LYPD6B: variants seen among roughly 807,000 people sequenced by gnomAD.
The protein encoded by LYPD6B is ly6/PLAUR domain-containing protein 6B.
LYPD6B carries 17 observed loss-of-function variants against 22.8 expected under a neutral mutation model. The observed-to-expected ratio is 0.75, with a 90% CI of 0.51 to 1.12. LYPD6B has a LOEUF of 1.12. Among genes scored for constraint, LYPD6B ranks in the 50% most tolerant of loss-of-function variants. The pLI is 0.00. For missense variants in LYPD6B, 221 were observed against 258.3 expected, an observed-to-expected ratio of 0.86 and a Z score of 0.99; for synonymous variants, 106 against 91.6, an observed-to-expected ratio of 1.16 and a Z score of -0.90.
At chr2:149,049,540 C>T (rs1683456985) in intron 1 of LYPD6B, among the ~76,000 whole-genome samples, 1 of 152,198 alleles carries the variant, frequency 6.6e-6, no homozygotes, top group Non-Finnish European at 1.5e-5. Context: ...CAAAACAGGT[C>T]CCTTAGTACC....
intron 1 of LYPD6B, among the ~76,000 whole-genome samples, chr2:149,121,557 A>G (rs1037365537): frequency 6.6e-6 from 1 of 152,176 alleles, no homozygotes; most frequent in Non-Finnish European, 1.5e-5. Context: ...GTGCAGGGTT[A>G]AAGAGCAAAC....
chr2:149,072,951 A>G (rs979961086), intron 1 of LYPD6B, among the ~76,000 whole-genome samples: 1 of 152,202 alleles, frequency 6.6e-6, no homozygotes, highest in African/African-American at 2.4e-5. Flanking sequence ...TTCTAGGCAG[A>G]GGGAACAGCA....
chr2:149,039,246 C>A (rs6749201), intron 1 of LYPD6B, among the ~76,000 whole-genome samples: 2,330 of 152,370 alleles, frequency 0.015, 46 homozygotes, highest in African/African-American at 0.053. Flanking sequence ...TTTCCCCCTG[C>A]AGCGCTTCAC....
intron 2 of LYPD6B, among the ~76,000 whole-genome samples, chr2:149,158,748 A>T (rs1471488072): frequency 6.6e-6 from 1 of 152,204 alleles, no homozygotes; most frequent in Non-Finnish European, 1.5e-5. Context: ...CATATTTGAG[A>T]CTTATACACA....
At chr2:149,181,627 T>C (rs2105993038) in intron 3 of LYPD6B, among the ~76,000 whole-genome samples, 1 of 152,340 alleles carries the variant, frequency 6.6e-6, no homozygotes, top group South Asian at 2.1e-4. Context: ...AAAGTCTCAT[T>C]GCTTGAAAGA....
At chr2:149,076,619 CA>C (rs1408969530) in intron 1 of LYPD6B, among the ~76,000 whole-genome samples, 1 of 151,868 alleles carries the variant, frequency 6.6e-6, no homozygotes, top group Non-Finnish European at 1.5e-5. Context: ...GGTATGTTTT[CA>C]GTTAGGTATG....
chr2:149,187,384 C>T, intron 3 of LYPD6B: 1 of 1,478,062 alleles, frequency 6.8e-7, no homozygotes, highest in Non-Finnish European at 9.0e-7. Flanking sequence ...CTGCCATGGT[C>T]CCATGACTTG....
chr2:149,071,299 C>T (rs1478294409), intron 1 of LYPD6B, among the ~76,000 whole-genome samples: 1 of 152,202 alleles, frequency 6.6e-6, no homozygotes, highest in Non-Finnish European at 1.5e-5. Context: ...TATAGCAAAG[C>T]TCCTGTTACA....
At chr2:149,091,485 G>A (rs1685648630) in intron 1 of LYPD6B, among the ~76,000 whole-genome samples, 1 of 151,962 alleles carries the variant, frequency 6.6e-6, no homozygotes, top group Non-Finnish European at 1.5e-5. Context: ...CTCTCTTAGT[G>A]TCAGGTCTTT....
intron 2 of LYPD6B, among the ~76,000 whole-genome samples, chr2:149,145,611 G>C (rs1688972561): frequency 6.6e-6 from 1 of 152,162 alleles, no homozygotes. Flanking sequence ...ATAGAAGAGA[G>C]AAAGAGGGGG....
intron 3 of LYPD6B, among the ~76,000 whole-genome samples, chr2:149,172,556 A>C (rs926185284): frequency 1.3e-5 from 2 of 152,096 alleles, no homozygotes; most frequent in Admixed American, 6.6e-5. Flanking sequence ...TGTTCTGTGG[A>C]CCTCCTAATC....
At chr2:149,108,838 G>A (rs988836887) in intron 1 of LYPD6B, among the ~76,000 whole-genome samples, 1 of 152,024 alleles carries the variant, frequency 6.6e-6, no homozygotes, top group Non-Finnish European at 1.5e-5. Flanking sequence ...TTTATTGGCT[G>A]ATTAGTTATG....
chr2:149,134,112 G>A (rs1490477855), intron 2 of LYPD6B, among the ~76,000 whole-genome samples: 1 of 152,118 alleles, frequency 6.6e-6, no homozygotes, highest in African/African-American at 2.4e-5. Flanking sequence ...CTGAGAAGGG[G>A]ACGTACAGCG....
At chr2:149,115,809 A>G (rs1686977565) in intron 1 of LYPD6B, among the ~76,000 whole-genome samples, 1 of 152,264 alleles carries the variant, frequency 6.6e-6, no homozygotes, top group Non-Finnish European at 1.5e-5. Flanking sequence ...ACCTACGGTC[A>G]GCCTCAGTCT....
chr2:149,203,541 G>T (rs1385231640), intron 3 of LYPD6B, among the ~76,000 whole-genome samples: 1 of 152,162 alleles, frequency 6.6e-6, no homozygotes, highest in African/African-American at 2.4e-5. Context: ...TTCAGAAAGA[G>T]CATAAGAATG....
At chr2:149,109,915 T>C (rs1686676636) in intron 1 of LYPD6B, among the ~76,000 whole-genome samples, 1 of 152,124 alleles carries the variant, frequency 6.6e-6, no homozygotes, top group Non-Finnish European at 1.5e-5. Flanking sequence ...TTCACCATAT[T>C]GGTCAGGCTG....
intron 1 of LYPD6B, among the ~76,000 whole-genome samples, chr2:149,126,170 C>A (rs1055953250): frequency 2.0e-5 from 3 of 152,146 alleles, no homozygotes; most frequent in Admixed American, 6.5e-5. Context: ...AATTGCTGAC[C>A]TCTTTTCTGG....
At chr2:149,165,993 A>G (rs1488966272) in intron 3 of LYPD6B, among the ~76,000 whole-genome samples, 1 of 152,180 alleles carries the variant, frequency 6.6e-6, no homozygotes, top group Non-Finnish European at 1.5e-5. Context: ...TGGAACACAC[A>G]GTAATTCTCC....
At chr2:149,051,787 T>C (rs976510329) in intron 1 of LYPD6B, among the ~76,000 whole-genome samples, 1 of 152,060 alleles carries the variant, frequency 6.6e-6, no homozygotes, top group African/African-American at 2.4e-5. Flanking sequence ...TACCTCAGCC[T>C]CCTGTGTAGC....
Sources: gnomAD v4.1 joint callset for allele counts (sites outside exome capture counted in the v4.1 genomes callset) on GRCh38, gnomAD v4.1.1 for gene constraint, MANE v1.5 for transcripts, NCBI Gene and HGNC (gene_info 2026-07-23, HGNC 2026-07-21) for gene names.